The following APBB2 variants were observed in gnomAD, a reference collection of about 807,000 sequenced individuals.
APBB2 encodes amyloid beta precursor protein binding family B member 2, also known as Fe65-like 1.
In APBB2, 38 loss-of-function variants were observed where a neutral mutation model predicts 82.5. That is an observed-to-expected ratio of 0.46 (90% CI 0.36 to 0.60). The LOEUF (loss-of-function observed/expected upper bound fraction) is 0.60. Among genes scored for constraint, APBB2 ranks in the 20% least tolerant of loss-of-function variants. The probability of loss-of-function intolerance (pLI) is 0.00; values close to 1 mark genes in which losing one functional copy is unlikely to be tolerated. For synonymous variants in APBB2, 341 were observed against 368.2 expected (o/e 0.93, Z 0.85); for missense variants, 772 against 972.3 (o/e 0.79, Z 2.74).
chr4:40,961,523 T>C (rs550756386), intron 6 of APBB2, among the ~76,000 whole-genome samples: 9 of 144,814 alleles, frequency 6.2e-5, no homozygotes, highest in Non-Finnish European at 1.1e-4. Context: ...AGGGATAGCA[T>C]TGGGAGATAT....
chr4:40,895,292 C>CA (rs1449846430), intron 10 of APBB2, among the ~76,000 whole-genome samples: 5 of 152,264 alleles, frequency 3.3e-5, no homozygotes, highest in Admixed American at 1.3e-4. Context: ...AGCCACTCTG[C>CA]TGATGGTGCA....
At position 40,832,524 on chromosome 4, in the gene APBB2, C is replaced by T. The variant is rs1003427541; in HGVS notation, c.1530-1947G>A. Among the ~76,000 whole-genome samples, 1 of 152,178 alleles carries T rather than the reference C, an allele frequency of 6.6e-6. No individual in the cohort carries two copies. Among genetic ancestry groups the T allele is most frequent in the Non-Finnish European group, 1.5e-5 (1 of 68,028 alleles). The stretch of plus-strand genomic sequence containing the variant: ...AACCGGACTCCCCCTGCCTCACGTG[C>T]CACACCCAATCCCCACATTCGTCCT... On this transcript the variant is annotated intron_variant, in intron 12 of 17. Transcript: ENST00000508593. This position sits in a 1 kb window ranked among gnomAD's most constrained non-coding sequence, Gnocchi z 4.8.
chr4:41,200,471 C>T (rs1195767030), intron 1 of APBB2, among the ~76,000 whole-genome samples: 1 of 152,050 alleles, frequency 6.6e-6, no homozygotes, highest in Non-Finnish European at 1.5e-5. Flanking sequence ...TACTAGTACA[C>T]CACATTAAAA....
intron 4 of APBB2, among the ~76,000 whole-genome samples, chr4:41,054,973 C>T (rs1049162041): frequency 6.6e-6 from 1 of 152,184 alleles, no homozygotes; most frequent in African/African-American, 2.4e-5. Context: ...TGGCTCCCCA[C>T]TACTCTTAGG....
At chr4:40,860,350 C>T (rs1762474321) in intron 12 of APBB2, among the ~76,000 whole-genome samples, 1 of 152,170 alleles carries the variant, frequency 6.6e-6, no homozygotes, top group South Asian at 2.1e-4. Context: ...TAGCCCTGGA[C>T]CAGTTGTCTA....
In APBB2 at chr4:40,893,422, GT is replaced by G. The variant is rs1772672034; in HGVS notation, c.1255-12del. 2 of 1,600,562 alleles carry G rather than the reference GT, an allele frequency of 1.2e-6. No individual in the cohort carries two copies. The highest frequency in any genetic ancestry group is 1.7e-6 in the Non-Finnish European group (2 of 1,172,068). ...ACGCACAGCAAAACACTGGAAGACA[GT>G]GAAAGAGGACAAGAAGTCACTCCAT... is the stretch of plus-strand genomic sequence containing the variant. On this transcript the variant is annotated splice_polypyrimidine_tract_variant and intron_variant, in intron 10 of 17. Coordinates refer to ENST00000508593, the MANE Select transcript of APBB2 (RefSeq NM_004307.2).
chr4:41,134,907 C>T (rs555520813), intron 2 of APBB2, among the ~76,000 whole-genome samples: 2 of 152,314 alleles, frequency 1.3e-5, no homozygotes, highest in Non-Finnish European at 2.9e-5. Context: ...TGGAATTTAA[C>T]TGATTTGCAC....
At chr4:40,960,162 A>G (rs561543125) in intron 6 of APBB2, among the ~76,000 whole-genome samples, 66 of 152,248 alleles carry the variant, frequency 4.3e-4, no homozygotes, top group African/African-American at 1.4e-3. Context: ...GGGGAGGAGG[A>G]GTACAGAGAA....
chr4:41,109,863 A>G (rs1407505053), intron 2 of APBB2, among the ~76,000 whole-genome samples: 1 of 152,164 alleles, frequency 6.6e-6, no homozygotes, highest in Non-Finnish European at 1.5e-5. Context: ...TAATTTGTCA[A>G]AGGTCACGGA....
At chr4:40,920,114 C>T (rs979984678) in intron 10 of APBB2, among the ~76,000 whole-genome samples, 7 of 152,134 alleles carry the variant, frequency 4.6e-5, no homozygotes, top group African/African-American at 1.7e-4. Flanking sequence ...TCCTATAATT[C>T]CCACGTATCA....
intron 12 of APBB2, chr4:40,880,156 A>G (rs1409399040): frequency 5.1e-6 from 5 of 985,302 alleles, no homozygotes; most frequent in Non-Finnish European, 6.0e-6. Flanking sequence ...CGCCCCTAAC[A>G]TCAGTGCAAA....
intron 4 of APBB2, among the ~76,000 whole-genome samples, chr4:41,043,139 T>C (rs1385604058): frequency 6.6e-6 from 1 of 152,208 alleles, no homozygotes; most frequent in Non-Finnish European, 1.5e-5. Context: ...CACATCAGCA[T>C]TTATACTTTG....
chr4:41,096,328 C>A (rs969819058), intron 3 of APBB2, among the ~76,000 whole-genome samples: 4 of 152,282 alleles, frequency 2.6e-5, no homozygotes, highest in Middle Eastern at 3.4e-3. Flanking sequence ...AGTTACTTTT[C>A]CCCCGAGTTT....
intron 5 of APBB2, among the ~76,000 whole-genome samples, chr4:41,024,174 A>T (rs892186456): frequency 6.6e-6 from 1 of 152,240 alleles, no homozygotes; most frequent in Non-Finnish European, 1.5e-5. Flanking sequence ...CCGTATACAA[A>T]AATCAACTCA....
chr4:40,880,633 C>T (rs1264124737), intron 12 of APBB2: 3 of 985,430 alleles, frequency 3.0e-6, no homozygotes, highest in Non-Finnish European at 2.4e-6. Flanking sequence ...AAGAAGATCA[C>T]GGCACTTTGA....
intron 1 of APBB2, among the ~76,000 whole-genome samples, chr4:41,153,135 T>C (rs62409971): frequency 0.038 from 5,785 of 152,304 alleles, 212 homozygotes; most frequent in African/African-American, 0.096. Context: ...GTTCAACCTG[T>C]AGCATTTGCT....
intron 10 of APBB2, among the ~76,000 whole-genome samples, chr4:40,901,982 A>C (rs1318737104): frequency 6.6e-6 from 1 of 151,934 alleles, no homozygotes; most frequent in East Asian, 1.9e-4. Context: ...GTTTTCTAAA[A>C]GCTGTAAAAA....
intron 4 of APBB2, among the ~76,000 whole-genome samples, chr4:41,045,804 C>T (rs562921210): frequency 2.0e-5 from 3 of 152,304 alleles, no homozygotes; most frequent in African/African-American, 7.2e-5. Context: ...CCGTTTCATT[C>T]ATTAGCATAT....
intron 1 of APBB2, among the ~76,000 whole-genome samples, chr4:41,204,937 A>G (rs1777572314): frequency 6.6e-6 from 1 of 152,206 alleles, no homozygotes; most frequent in African/African-American, 2.4e-5. Flanking sequence ...AGTAAATCTG[A>G]TCTGTTGAGT....
Sources: gnomAD v4.1 joint callset for allele counts (sites outside exome capture counted in the v4.1 genomes callset) on GRCh38, gnomAD v4.1.1 for gene constraint, Gnocchi (gnomAD v3.1) non-coding constraint, MANE v1.5 for transcripts, NCBI Gene and HGNC (gene_info 2026-07-23, HGNC 2026-07-21) for gene names.